CSGALNACT2: variants seen among roughly 807,000 people sequenced by gnomAD.
CSGALNACT2 encodes the protein chondroitin sulfate N-acetylgalactosaminyltransferase 2, also known as beta 4 GalNAcT-2.
A neutral mutation model predicts 55.3 loss-of-function variants in CSGALNACT2; 35 were observed. The observed-to-expected ratio is 0.63, with a 90% CI of 0.48 to 0.84. The LOEUF (loss-of-function observed/expected upper bound fraction) is 0.84, where lower values mean the gene tolerates loss of function less well. Among genes scored for constraint, CSGALNACT2 ranks in the 40% least tolerant of loss-of-function variants. The probability of loss-of-function intolerance (pLI) is 0.00; values close to 1 mark genes in which losing one functional copy is unlikely to be tolerated. For synonymous variants in CSGALNACT2, 196 were observed against 224.9 expected (o/e 0.87, Z 1.15); for missense variants, 544 against 657.5 (o/e 0.83, Z 1.89).
intron 1 of CSGALNACT2, among the ~76,000 whole-genome samples, chr10:43,144,740 A>C (rs1261196120): frequency 6.6e-6 from 1 of 152,226 alleles, no homozygotes; most frequent in Admixed American, 6.5e-5. Context: ...TCATCACTGC[A>C]ACCAAAGTAA....
chr10:43,178,414 A>T (rs1181105163), intron 7 of CSGALNACT2, among the ~76,000 whole-genome samples: 5 of 152,182 alleles, frequency 3.3e-5, no homozygotes, highest in Non-Finnish European at 5.9e-5. Flanking sequence ...CGAGGTCAGG[A>T]GATCAAGATC....
intron 1 of CSGALNACT2, among the ~76,000 whole-genome samples, chr10:43,142,905 T>G (rs1258853956): frequency 2.0e-5 from 3 of 152,212 alleles, no homozygotes; most frequent in African/African-American, 4.8e-5. Flanking sequence ...TTGATAGATT[T>G]GAGTCTATTA....
chr10:43,147,981 A>G (rs953093097), intron 1 of CSGALNACT2, among the ~76,000 whole-genome samples: 3 of 152,104 alleles, frequency 2.0e-5, no homozygotes, highest in African/African-American at 7.2e-5. Flanking sequence ...CCAAGGTCAC[A>G]AATATTTACA....
At chr10:43,143,098 C>G (rs1838665653) in intron 1 of CSGALNACT2, among the ~76,000 whole-genome samples, 1 of 152,178 alleles carries the variant, frequency 6.6e-6, no homozygotes, top group Non-Finnish European at 1.5e-5. Flanking sequence ...TGGAATTTGT[C>G]TGTAATGAAG....
intron 6 of CSGALNACT2, among the ~76,000 whole-genome samples, chr10:43,171,496 G>A (rs1453662765): frequency 6.6e-6 from 1 of 152,012 alleles, no homozygotes; most frequent in Non-Finnish European, 1.5e-5. Flanking sequence ...GGGATTACAG[G>A]CACACACCAC....
Position 43,175,962 on chromosome 10 carries a change from G to A in CSGALNACT2, c.1266G>A (p.Lys422=), listed in dbSNP as rs943950127. ...PPVEQQLVHK[K]DSGFWRDFGF... Reference sequence around the variant, plus strand: ...TTTTTTTAACTAAGGTTCACAAAAAGGATTCTGGCTTTTGGCGAGATTTTG... The same window carrying A: ...TTTTTTTAACTAAGGTTCACAAAAAAGATTCTGGCTTTTGGCGAGATTTTG... The change falls in exon 7 of 8, where the codon AAG becomes AAA. Residue 422 remains lysine, a synonymous_variant. Coordinates refer to ENST00000374466, the MANE Select transcript of CSGALNACT2 (RefSeq NM_018590.5). 6.2e-7 allele frequency: 1 copy of A among 1,604,716 alleles called. No homozygotes were observed. Among genetic ancestry groups the A allele is most frequent in the Admixed American group, 1.7e-5 (1 of 57,826 alleles).
intron 1 of CSGALNACT2, among the ~76,000 whole-genome samples, chr10:43,144,153 G>T (rs1838691557): frequency 6.6e-6 from 1 of 152,128 alleles, no homozygotes; most frequent in Non-Finnish European, 1.5e-5. Flanking sequence ...AGAAAATTTA[G>T]GAAGATTATA....
intron 7 of CSGALNACT2, among the ~76,000 whole-genome samples, chr10:43,179,380 C>T (rs1026899569): frequency 6.6e-6 from 1 of 150,916 alleles, no homozygotes. Flanking sequence ...CCTCTACCAC[C>T]ACGGCTTGGT....
chr10:43,168,322 G>A (rs1009669675), intron 6 of CSGALNACT2, among the ~76,000 whole-genome samples: 3 of 152,014 alleles, frequency 2.0e-5, no homozygotes, highest in Non-Finnish European at 4.4e-5. Context: ...GTGGTGGCAC[G>A]AGCCTGTAGT....
At position 43,183,925 on chromosome 10, in the gene CSGALNACT2, G is replaced by A; in HGVS notation, c.*383G>A. On this transcript the variant is annotated 3_prime_UTR_variant, in exon 8 of 8. Transcript: ENST00000374466. The stretch of plus-strand genomic sequence containing the variant: ...GGGTGGAGAGCAGCACATTCTTACA[G>A]AGGAGATGGAGCGTTATGAGCATAG... 1 of 241,248 alleles carries A rather than the reference G, an allele frequency of 4.1e-6. No individual in the cohort carries two copies. Among genetic ancestry groups the A allele is most frequent in the Non-Finnish European group, 8.2e-6 (1 of 122,316 alleles). 14.9% of individuals were successfully genotyped at this position (241,248 alleles called of 1,614,324 possible). A position where few individuals can be genotyped will look rare whatever the true frequency, so the allele number is the denominator to read the frequency against.
In CSGALNACT2 at chr10:43,155,526, C is replaced by T. The variant is rs766149579; in HGVS notation, c.377C>T (p.Ser126Phe). 6.2e-7 allele frequency: 1 copy of T among 1,614,206 alleles called. No homozygotes were observed. Among genetic ancestry groups the T allele is most frequent in the African/African-American group, 1.3e-5 (1 of 75,048 alleles). The stretch of plus-strand genomic sequence containing the variant: ...AGTGATCTTTTAGAGTTTCTTCATT[C>T]CCAAATTGACAAAGCTGAAGTTAGC... The part of the protein sequence containing the change: ...APSDLLEFLH[S>F]QIDKAEVSIG... Residue 126 changes from serine to phenylalanine, a missense_variant, in exon 2 of 8, where the codon TCC becomes TTC. Physicochemically the swap from Ser to Phe is radical, Grantham distance 155. Coordinates refer to ENST00000374466, the MANE Select transcript of CSGALNACT2 (RefSeq NM_018590.5).
At position 43,155,166 on chromosome 10, in the gene CSGALNACT2, T is replaced by C. The variant is rs1162040427; in HGVS notation, c.17T>C (p.Leu6Pro). The C allele has an allele frequency of 6.2e-7, 1 of 1,613,722 alleles. No individual in the cohort carries two copies. The highest frequency in any genetic ancestry group is 2.2e-5 in the East Asian group (1 of 44,884). Reference sequence around the variant, plus strand: ...TTAATAAGAATGCCTAGAAGAGGACTGATTCTTCACACCCGGACCCACTGG... The same window carrying C: ...TTAATAAGAATGCCTAGAAGAGGACCGATTCTTCACACCCGGACCCACTGG... MPRRG[L>P]ILHTRTHWLL... Residue 6 changes from leucine to proline, a missense_variant, in exon 2 of 8, where the codon CTG becomes CCG. Leu to Pro is a moderately conservative substitution (Grantham distance 98, BLOSUM62 -3). This residue lies in a region of CSGALNACT2 where 374 missense variants were observed against 401.3 expected (regional missense o/e 0.93). Transcript: ENST00000374466.
intron 1 of CSGALNACT2, among the ~76,000 whole-genome samples, chr10:43,152,381 T>G (rs1838894754): frequency 6.6e-6 from 1 of 151,454 alleles, no homozygotes; most frequent in Admixed American, 6.6e-5. Flanking sequence ...AATAAGATTT[T>G]AATTGAAATC....
At chr10:43,144,924 C>T (rs1192938909) in intron 1 of CSGALNACT2, among the ~76,000 whole-genome samples, 1 of 152,106 alleles carries the variant, frequency 6.6e-6, no homozygotes, top group African/African-American at 2.4e-5. Context: ...TGTTGCCTGG[C>T]TCCTATTACT....
chr10:43,168,020 A>G (rs953396571), intron 6 of CSGALNACT2, among the ~76,000 whole-genome samples: 6 of 152,226 alleles, frequency 3.9e-5, no homozygotes, highest in Admixed American at 1.3e-4. Context: ...AAAGGAAAAC[A>G]TTGGAAATTA....
At chr10:43,142,659 C>T (rs1482315483) in intron 1 of CSGALNACT2, among the ~76,000 whole-genome samples, 3 of 152,212 alleles carry the variant, frequency 2.0e-5, no homozygotes, top group Non-Finnish European at 4.4e-5. Flanking sequence ...GCAGAATCAA[C>T]TGGTTGTGAC....
rs934733588 is a variant in CSGALNACT2 at position 43,162,037 on chromosome 10, G to A, written c.980+1442G>A. ...AATAGGAGCAGTATTGAAGAATCTC[G>A]GATACCTCCCAGAAATAAAGGGATT... is the stretch of plus-strand genomic sequence containing the variant. On this transcript the variant is annotated intron_variant, in intron 4 of 7. Coordinates refer to ENST00000374466, the MANE Select transcript of CSGALNACT2 (RefSeq NM_018590.5). Among the ~76,000 whole-genome samples the A allele has an allele frequency of 4.6e-5, 7 of 152,124 alleles. No individual in the cohort carries two copies. In the South Asian group the frequency reaches 1.0e-3, roughly 23 times the overall value.
chr10:43,143,893 C>T (rs896239904), intron 1 of CSGALNACT2, among the ~76,000 whole-genome samples: 1 of 152,150 alleles, frequency 6.6e-6, no homozygotes, highest in Non-Finnish European at 1.5e-5. Flanking sequence ...TCAGTACTTA[C>T]AGACCACTTA....
chr10:43,154,115 T>G (rs7476512), intron 1 of CSGALNACT2, among the ~76,000 whole-genome samples: 36,126 of 152,122 alleles, frequency 0.24, 4,547 homozygotes, highest in Non-Finnish European at 0.29. Context: ...CAGTAGAAAT[T>G]AATGAGGTAG....
Sources: allele counts gnomAD v4.1 joint callset (sites outside exome capture counted in the v4.1 genomes callset), GRCh38; gene constraint gnomAD v4.1.1; regional missense constraint gnomAD v4.1.1; transcripts MANE v1.5; gene names NCBI Gene and HGNC (gene_info 2026-07-23, HGNC 2026-07-21).